The following OR51D1 variants were observed in gnomAD, a reference collection of about 807,000 sequenced individuals.
OR51D1 encodes olfactory receptor 51D1.
For missense variants in OR51D1, 452 were observed against 396.2 expected (o/e 1.14, Z -1.20); for synonymous variants, 187 against 161.1 (o/e 1.16, Z -1.22).
In OR51D1 at chr11:4,639,768, C is replaced by G; in HGVS notation, c.-14-9C>G. 6.3e-7 allele frequency: 1 copy of G among 1,594,648 alleles called. No homozygotes were observed. The highest frequency in any genetic ancestry group is 2.2e-5 in the East Asian group (1 of 44,560). ...TGATGTTTCTACTTTTCCCTTTCTA[C>G]TTTCCTAGACCCTGGATTTTGTATG... On this transcript the variant is annotated splice_polypyrimidine_tract_variant and intron_variant, in intron 1 of 1. Coordinates refer to ENST00000641817, the MANE Select transcript of OR51D1 (RefSeq NM_001004751.3).
Position 4,639,829 on chromosome 11 carries a change from T to C in OR51D1, c.39T>C (p.Thr13=). 6.2e-7 allele frequency: 1 copy of C among 1,614,154 alleles called. No homozygotes were observed. Among genetic ancestry groups the C allele is most frequent in the Non-Finnish European group, 8.5e-7 (1 of 1,180,010 alleles). ...KPQLLVPIIA[T]SNGNLVHAAY... ...AGCTCTTGGTCCCTATCATAGCCAC[T>C]TCAAATGGAAATCTGGTCCACGCAG... The change falls in exon 2 of 2, where the codon ACT becomes ACC. Residue 13 remains threonine, a synonymous_variant. Coordinates refer to ENST00000641817, the MANE Select transcript of OR51D1 (RefSeq NM_001004751.3).
Position 4,640,725 on chromosome 11 carries a change from G to A in OR51D1, c.935G>A (p.Cys312Tyr). The A allele has an allele frequency of 6.2e-7, 1 of 1,613,754 alleles. No homozygotes were observed. Among genetic ancestry groups the A allele is most frequent in the African/African-American group, 1.3e-5 (1 of 74,982 alleles). Reference sequence around the variant, plus strand: ...TATGGAGCCAAGACCAAAGAGATCTGTTCAAGGGTCCTCTGTATGTTCTCA... The same window carrying A: ...TATGGAGCCAAGACCAAAGAGATCTATTCAAGGGTCCTCTGTATGTTCTCA... ...LVYGAKTKEI[C>Y]SRVLCMFSQG... The change falls in exon 2 of 2, where the codon TGT (cysteine) becomes TAT (tyrosine). Residue 312 changes from cysteine (C) to tyrosine (Y), a missense_variant. Coordinates refer to ENST00000641817, the MANE Select transcript of OR51D1 (RefSeq NM_001004751.3).
rs1365481605 is a variant in OR51D1 at position 4,642,342 on chromosome 11, T to A, written c.*1577T>A. On this transcript the variant is annotated 3_prime_UTR_variant, in exon 2 of 2. Transcript: ENST00000641817. ...ATGGTATCCTCACCTCTCCCTTCCC[T>A]TTTTGGCTTATCTGCCAAACATGTA... is the stretch of plus-strand genomic sequence containing the variant. 1.3e-5 allele frequency: 2 copies of A among 152,242 alleles called. No homozygotes were observed. 9.4% of individuals were successfully genotyped at this position (152,242 alleles called of 1,614,324 possible).
At position 4,640,689 on chromosome 11, in the gene OR51D1, A is replaced by G. The variant is rs141098080; in HGVS notation, c.899A>G (p.Asn300Ser). ...NTYLLLPPVV[N>S]PLVYGAKTKE... ...TACTTGCTGCTACCACCTGTAGTCAACCCCCTTGTCTATGGAGCCAAGACC... is the reference window on the plus strand; with the variant it reads ...TACTTGCTGCTACCACCTGTAGTCAGCCCCCTTGTCTATGGAGCCAAGACC... Residue 300 changes from asparagine (N) to serine (S), a missense_variant, in exon 2 of 2, where the codon AAC (asparagine) becomes AGC (serine). By Grantham distance (46) the Asn-to-Ser change is conservative (BLOSUM62 1). Transcript: ENST00000641817. The G allele has an allele frequency of 6.8e-6, 11 of 1,610,282 alleles. No homozygotes were observed. In the African/African-American group the frequency reaches 1.2e-4, roughly 18 times the overall value.
In OR51D1 at chr11:4,640,549, C is replaced by T; in HGVS notation, c.759C>T (p.Thr253=). ...SRRAALKAFN[T]CISHLCAVLV... is the part of the protein sequence containing the mutation. ...GGGCAGCACTCAAGGCTTTCAACAC[C>T]TGCATCTCCCACCTCTGTGCTGTTC... The change falls in exon 2 of 2, where the codon ACC becomes ACT. Residue 253 remains threonine (T), a synonymous_variant. Coordinates refer to ENST00000641817, the MANE Select transcript of OR51D1 (RefSeq NM_001004751.3). 6.2e-7 allele frequency: 1 copy of T among 1,613,844 alleles called. No homozygotes were observed. Among genetic ancestry groups the T allele is most frequent in the Non-Finnish European group, 8.5e-7 (1 of 1,180,004 alleles).
intron 1 of OR51D1, among the ~76,000 whole-genome samples, chr11:4,639,190 T>C (rs1274043973): frequency 6.6e-6 from 1 of 152,238 alleles, no homozygotes; most frequent in Non-Finnish European, 1.5e-5. Context: ...TGTCAATTAC[T>C]TTAGATGTTT....
Position 4,640,814 on chromosome 11 carries a change from T to A in OR51D1, c.*49T>A, listed in dbSNP as rs1488743926. On this transcript the variant is annotated 3_prime_UTR_variant, in exon 2 of 2. Coordinates refer to ENST00000641817, the MANE Select transcript of OR51D1 (RefSeq NM_001004751.3). ...CTACTACTACAGAAGATGGGAATAT[T>A]AGGATCCTATTGAATGCCTTGGTGA... 6.5e-7 allele frequency: 1 copy of A among 1,527,106 alleles called. No individual in the cohort carries two copies. The highest frequency in any genetic ancestry group is 8.8e-7 in the Non-Finnish European group (1 of 1,129,944). The allele number at this position is 1,527,106 out of a possible 1,614,324, so 94.6% of individuals were successfully genotyped here.
At position 4,642,654 on chromosome 11, in the gene OR51D1, G is replaced by C. The variant is rs1392226351; in HGVS notation, c.*1889G>C. 2.7e-5 allele frequency: 4 copies of C among 150,486 alleles called. No homozygotes were observed. Among genetic ancestry groups the C allele is most frequent in the African/African-American group, 9.8e-5 (4 of 40,874 alleles). 9.3% of individuals were successfully genotyped at this position (150,486 alleles called of 1,614,324 possible). On this transcript the variant is annotated 3_prime_UTR_variant, in exon 2 of 2. Transcript: ENST00000641817. ...GGGGAAGCCAGTCAATCTCCCTTCTGTTGCCGCATGGAAACTCCCTTAAGG... is the reference window on the plus strand; with the variant it reads ...GGGGAAGCCAGTCAATCTCCCTTCTCTTGCCGCATGGAAACTCCCTTAAGG...
At position 4,641,681 on chromosome 11, in the gene OR51D1, G is replaced by A. The variant is rs1169222085; in HGVS notation, c.*916G>A. ...CCTTTTCTTCCTATTTGTACTATGT[G>A]AATGTGGTGCATGAATGTGTGGAAT... On this transcript the variant is annotated 3_prime_UTR_variant, in exon 2 of 2. Transcript: ENST00000641817. 1 of 152,512 alleles carries A rather than the reference G, an allele frequency of 6.6e-6. No individual in the cohort carries two copies. The highest frequency in any genetic ancestry group is 2.4e-5 in the African/African-American group (1 of 41,428). 9.4% of individuals were successfully genotyped at this position (152,512 alleles called of 1,614,324 possible).
chr11:4,639,812 G>A lies in OR51D1; in HGVS notation c.22G>A (p.Val8Ile). Residue 8 changes from valine (V) to isoleucine (I), a missense_variant, in exon 2 of 2, where the codon GTC (valine) becomes ATC (isoleucine). Coordinates refer to ENST00000641817, the MANE Select transcript of OR51D1 (RefSeq NM_001004751.3). ...TTGTATGCAGAAGCCCCAGCTCTTG[G>A]TCCCTATCATAGCCACTTCAAATGG... MQKPQLL[V>I]PIIATSNGNL... 1.2e-6 allele frequency: 2 copies of A among 1,613,506 alleles called. No homozygotes were observed. Among genetic ancestry groups the A allele is most frequent in the Middle Eastern group, 1.7e-4 (1 of 6,058 alleles).
Position 4,641,001 on chromosome 11 carries a change from T to C in OR51D1, c.*236T>C. ...CTATGGTGGTCTTGCCTTCTCCTTC[T>C]CTCTCAGCTAGAAAATACATCTAGT... On this transcript the variant is annotated 3_prime_UTR_variant, in exon 2 of 2. Coordinates refer to ENST00000641817, the MANE Select transcript of OR51D1 (RefSeq NM_001004751.3). 2.2e-6 allele frequency: 1 copy of C among 453,610 alleles called. No individual in the cohort carries two copies. 28.1% of individuals were successfully genotyped at this position (453,610 alleles called of 1,614,324 possible).
Position 4,641,559 on chromosome 11 carries a change from A to G in OR51D1, c.*794A>G, listed in dbSNP as rs1846968112. On this transcript the variant is annotated 3_prime_UTR_variant, in exon 2 of 2. Coordinates refer to ENST00000641817, the MANE Select transcript of OR51D1 (RefSeq NM_001004751.3). The stretch of plus-strand genomic sequence containing the variant: ...CATTTGTATTTCTGTGGTATCTGTT[A>G]GTTGGTATATGATATGTGTCTACGT... 1 of 152,458 alleles carries G rather than the reference A, an allele frequency of 6.6e-6. No homozygotes were observed. The highest frequency in any genetic ancestry group is 3.2e-3 in the Middle Eastern group (1 of 316). 9.4% of individuals were successfully genotyped at this position (152,458 alleles called of 1,614,324 possible). A position where few individuals can be genotyped will look rare whatever the true frequency, so the allele number is the denominator to read the frequency against.
Position 4,640,507 on chromosome 11 carries a change from G to A in OR51D1, c.717G>A (p.Leu239=), listed in dbSNP as rs368584212. The change falls in exon 2 of 2, where the codon TTG becomes TTA. Residue 239 remains leucine (L), a synonymous_variant. Coordinates refer to ENST00000641817, the MANE Select transcript of OR51D1 (RefSeq NM_001004751.3). The part of the protein sequence containing the change: ...FSYILILWAV[L]ELSSRRAALK... The stretch of plus-strand genomic sequence containing the variant: ...ATATCCTCATCCTGTGGGCTGTTTT[G>A]GAGCTGTCCTCTCGGAGGGCAGCAC... 1.5e-5 allele frequency: 25 copies of A among 1,613,498 alleles called. No individual in the cohort carries two copies. The highest frequency in any genetic ancestry group is 2.0e-5 in the Non-Finnish European group (24 of 1,179,976).
Position 4,640,224 on chromosome 11 carries a change from A to G in OR51D1, c.434A>G (p.His145Arg). 6.2e-7 allele frequency: 1 copy of G among 1,614,170 alleles called. No homozygotes were observed. The highest frequency in any genetic ancestry group is 2.2e-5 in the East Asian group (1 of 44,882). Residue 145 changes from histidine to arginine, a missense_variant, in exon 2 of 2, where the codon CAT becomes CGT. Physicochemically the swap from His to Arg is conservative, Grantham distance 29 (BLOSUM62 0). Coordinates refer to ENST00000641817, the MANE Select transcript of OR51D1 (RefSeq NM_001004751.3). ...RFVAICHPLR[H>R]ASVLTGCTVA... ...GTGGCCATTTGCCACCCATTGCGCC[A>G]TGCTTCTGTGCTGACAGGGTGTACT...
Position 4,640,853 on chromosome 11 carries a change from C to A in OR51D1, c.*88C>A. 3.9e-6 allele frequency: 5 copies of A among 1,272,268 alleles called. 1 individual carries two copies. Among genetic ancestry groups the A allele is most frequent in the Admixed American group, 2.2e-5 (1 of 45,224 alleles). 78.8% of individuals were successfully genotyped at this position (1,272,268 alleles called of 1,614,324 possible). A position where few individuals can be genotyped will look rare whatever the true frequency, so the allele number is the denominator to read the frequency against. On this transcript the variant is annotated 3_prime_UTR_variant, in exon 2 of 2. Coordinates refer to ENST00000641817, the MANE Select transcript of OR51D1 (RefSeq NM_001004751.3). ...ATGCCTTGGTGATTAAAGTATCAAACCTATTGTGCTGTCTTCTTCCAGCAA... is the reference window on the plus strand; with the variant it reads ...ATGCCTTGGTGATTAAAGTATCAAAACTATTGTGCTGTCTTCTTCCAGCAA...
chr11:4,640,838 G>C lies in OR51D1; in HGVS notation c.*73G>C. ...TTAGGATCCTATTGAATGCCTTGGTGATTAAAGTATCAAACCTATTGTGCT... is the reference window on the plus strand; with the variant it reads ...TTAGGATCCTATTGAATGCCTTGGTCATTAAAGTATCAAACCTATTGTGCT... On this transcript the variant is annotated 3_prime_UTR_variant, in exon 2 of 2. Coordinates refer to ENST00000641817, the MANE Select transcript of OR51D1 (RefSeq NM_001004751.3). 7.2e-7 allele frequency: 1 copy of C among 1,390,078 alleles called. No individual in the cohort carries two copies. The highest frequency in any genetic ancestry group is 1.4e-5 in the South Asian group (1 of 73,466). The allele number at this position is 1,390,078 out of a possible 1,614,324, so 86.1% of individuals were successfully genotyped here. A position where few individuals can be genotyped will look rare whatever the true frequency, so the allele number is the denominator to read the frequency against.
chr11:4,640,129 G>C lies in OR51D1; in HGVS notation c.339G>C (p.Gln113His). 1 of 1,614,212 alleles carries C rather than the reference G, an allele frequency of 6.2e-7. No individual in the cohort carries two copies. Among genetic ancestry groups the C allele is most frequent in the Non-Finnish European group, 8.5e-7 (1 of 1,180,042 alleles). ...QEIEFNICLAQMFLIHALSAV... is the reference protein window; with the variant it reads ...QEIEFNICLAHMFLIHALSAV... The stretch of plus-strand genomic sequence containing the variant: ...TCGAGTTCAACATTTGCCTGGCCCA[G>C]ATGTTCCTTATCCATGCTCTGTCAG... Residue 113 changes from glutamine to histidine, a missense_variant, in exon 2 of 2, where the codon CAG (glutamine) becomes CAC (histidine). Coordinates refer to ENST00000641817, the MANE Select transcript of OR51D1 (RefSeq NM_001004751.3).
intron 1 of OR51D1, among the ~76,000 whole-genome samples, chr11:4,638,151 C>G (rs537089682): frequency 6.6e-6 from 1 of 152,064 alleles, no homozygotes; most frequent in Middle Eastern, 3.2e-3. Flanking sequence ...TTAAGAGGAA[C>G]GGCCCCAATA....
chr11:4,639,885 T>G lies in OR51D1; in HGVS notation c.95T>G (p.Leu32Arg). The G allele has an allele frequency of 6.2e-7, 1 of 1,614,244 alleles. No homozygotes were observed. The highest frequency in any genetic ancestry group is 1.3e-5 in the African/African-American group (1 of 75,066). The change falls in exon 2 of 2, where the codon CTG (leucine) becomes CGG (arginine). Residue 32 changes from leucine to arginine, a missense_variant. Leu to Arg is a moderately radical substitution (Grantham distance 102). Transcript: ENST00000641817. Reference sequence around the variant, plus strand: ...TTCCTTTTGGTGGGTATCCCTGGCCTGGGGCCTACCATACACTTTTGGCTG... The same window carrying G: ...TTCCTTTTGGTGGGTATCCCTGGCCGGGGGCCTACCATACACTTTTGGCTG... The part of the protein sequence containing the change: ...AYFLLVGIPG[L>R]GPTIHFWLAF...
Sources: gnomAD v4.1 joint callset for allele counts (sites outside exome capture counted in the v4.1 genomes callset) on GRCh38, gnomAD v4.1.1 for gene constraint, MANE v1.5 for transcripts, NCBI Gene and HGNC (gene_info 2026-07-23, HGNC 2026-07-21) for gene names.